Variants in VPS13B observed in about 807,000 individuals in gnomAD.
The protein encoded by VPS13B is vacuolar protein sorting 13 homolog B, also known as intermembrane lipid transfer protein VPS13B.
A neutral mutation model predicts 426.4 loss-of-function variants in VPS13B; 285 were observed. The observed-to-expected ratio is 0.67, with a 90% confidence interval of 0.61 to 0.74. The LOEUF is 0.74. VPS13B is among the 30% of genes least tolerant of loss of function. The probability of loss-of-function intolerance (pLI) is 0.00; values close to 1 mark genes in which losing one functional copy is unlikely to be tolerated. For missense variants in VPS13B, 4,537 were observed against 4,782.6 expected, an observed-to-expected ratio of 0.95 and a Z score of 1.51; for synonymous variants, 1,676 against 1,676.4, an observed-to-expected ratio of 1.00 and a Z score of 0.01.
intron 17 of VPS13B, among the ~76,000 whole-genome samples, chr8:99,237,595 G>A (rs1230335391): frequency 3.3e-5 from 5 of 151,988 alleles, no homozygotes; most frequent in South Asian, 4.1e-4. Context: ...AAAAAATCAC[G>A]AATGTTTTTG....
Position 99,121,281 on chromosome 8 carries a change from T to C in VPS13B, c.1042T>C (p.Trp348Arg). 6.2e-7 allele frequency: 1 copy of C among 1,614,192 alleles called. No homozygotes were observed. The highest frequency in any genetic ancestry group is 8.5e-7 in the Non-Finnish European group (1 of 1,180,038). The change falls in exon 8 of 62, where the codon TGG becomes CGG. Residue 348 changes from tryptophan (W) to arginine (R), a missense_variant. This residue lies in a region of VPS13B where 4,311 missense variants were observed against 4,474.3 expected (regional missense o/e 0.96). Coordinates refer to ENST00000357162, the MANE Select transcript of VPS13B (RefSeq NM_152564.5). ...GGAGCAGCCACAGGGATGGGTGTCA[T>C]GGGCCTGGTCCTTTGTGCCTGCAAT... ...DEEQPQGWVS[W>R]AWSFVPAIVS...
chr8:99,868,293 A>G lies in VPS13B; in HGVS notation c.11220A>G (p.Ala3740=), dbSNP rs757214570. ...LSRLGISLLG[A]IAGIVDQPMQ... Reference sequence around the variant, plus strand: ...TGAGGGCTTTTGTTATTCCAGGTGCAATTGCTGGTATAGTTGATCAGCCGA... The same window carrying G: ...TGAGGGCTTTTGTTATTCCAGGTGCGATTGCTGGTATAGTTGATCAGCCGA... The change falls in exon 59 of 62, where the codon GCA becomes GCG. Residue 3740 remains alanine (A), a synonymous_variant. Transcript: ENST00000357162. The G allele has an allele frequency of 6.2e-7, 1 of 1,614,144 alleles. No individual in the cohort carries two copies. The highest frequency in any genetic ancestry group is 8.5e-7 in the Non-Finnish European group (1 of 1,180,016).
chr8:99,761,856 CAT>C (rs1389507787), intron 39 of VPS13B, among the ~76,000 whole-genome samples: 1 of 151,956 alleles, frequency 6.6e-6, no homozygotes, highest in Non-Finnish European at 1.5e-5. Context: ...GGTACATAAT[CAT>C]ATATATTTAT....
At chr8:99,093,102 T>C (rs1201758615) in intron 3 of VPS13B, among the ~76,000 whole-genome samples, 1 of 152,046 alleles carries the variant, frequency 6.6e-6, no homozygotes, top group Non-Finnish European at 1.5e-5. Flanking sequence ...TCTATACAAA[T>C]AATATTATAA....
At chr8:99,391,795 G>T in intron 21 of VPS13B, 91 bp downstream of exon 21, 1 of 1,476,244 alleles carries the variant, frequency 6.8e-7, no homozygotes, top group East Asian at 2.4e-5. Context: ...GCTGGCCAAA[G>T]ACATGAGACT....
At chr8:99,404,460 T>C (rs1276298986) in intron 21 of VPS13B, among the ~76,000 whole-genome samples, 1 of 152,218 alleles carries the variant, frequency 6.6e-6, no homozygotes, top group African/African-American at 2.4e-5. Context: ...CACGCTGACT[T>C]GCAGAATCCA....
At chr8:99,255,011 A>G (rs1817676422) in intron 17 of VPS13B, among the ~76,000 whole-genome samples, 2 of 152,016 alleles carry the variant, frequency 1.3e-5, no homozygotes, top group African/African-American at 4.8e-5. Context: ...TCTTTTATCT[A>G]ACTTTCTCAT....
chr8:99,290,440 G>T (rs1265703106), intron 19 of VPS13B, among the ~76,000 whole-genome samples: 1 of 152,084 alleles, frequency 6.6e-6, no homozygotes, highest in East Asian at 1.9e-4. Context: ...TCACTCATAG[G>T]TGGGAATTGA....
intron 2 of VPS13B, among the ~76,000 whole-genome samples, chr8:99,026,658 T>C (rs1250432740): frequency 6.6e-6 from 1 of 152,232 alleles, no homozygotes; most frequent in Non-Finnish European, 1.5e-5. Flanking sequence ...ATAGTTGTTA[T>C]AGATGCTTGC....
At chr8:99,162,645 G>A (rs903023954) in intron 15 of VPS13B, among the ~76,000 whole-genome samples, 2 of 152,166 alleles carry the variant, frequency 1.3e-5, no homozygotes, top group Non-Finnish European at 2.9e-5. Flanking sequence ...CGCGTCTGGA[G>A]TTGTTCGTTC....
intron 51 of VPS13B, 142 bp from the exon 52 acceptor site, chr8:99,832,227 A>C (rs950741509): frequency 1.6e-6 from 2 of 1,236,078 alleles, no homozygotes; most frequent in Non-Finnish European, 2.2e-6. Context: ...GTGCCACTGC[A>C]CTCCCGCCTG....
At chr8:99,234,633 T>A (rs1031284876) in intron 17 of VPS13B, among the ~76,000 whole-genome samples, 2 of 152,232 alleles carry the variant, frequency 1.3e-5, no homozygotes, top group African/African-American at 4.8e-5. Flanking sequence ...CATTATTAAC[T>A]TTATGAAAGT....
intron 12 of VPS13B, among the ~76,000 whole-genome samples, chr8:99,142,075 A>T (rs763033400): frequency 6.6e-6 from 1 of 152,018 alleles, no homozygotes; most frequent in Non-Finnish European, 1.5e-5. Context: ...AAATCAATCA[A>T]TCAATTAATC....
Position 99,275,032 on chromosome 8 carries a change from G to A in VPS13B, c.2651-49G>A, listed in dbSNP as rs750505852. 316 of 1,464,980 alleles carry A rather than the reference G, an allele frequency of 2.2e-4. 1 individual carries two copies. In the African/African-American group the frequency reaches 4.2e-3, roughly 20 times the overall value. The allele number at this position is 1,464,980 out of a possible 1,614,324, so 90.7% of individuals were successfully genotyped here. The stretch of plus-strand genomic sequence containing the variant: ...ATATTTTAAAATCAAACATTCTCAA[G>A]TGACTCATGTTTTATTTTTATTATT... On this transcript the variant is annotated intron_variant, in intron 18 of 61. Transcript: ENST00000357162.
At chr8:99,602,139 A>G (rs1380089821) in intron 33 of VPS13B, among the ~76,000 whole-genome samples, 1 of 152,340 alleles carries the variant, frequency 6.6e-6, no homozygotes, top group South Asian at 2.1e-4. Flanking sequence ...TAGTTCTAAA[A>G]TTTAAGTCTT....
chr8:99,044,800 C>T (rs1412437766), intron 3 of VPS13B, among the ~76,000 whole-genome samples: 1 of 151,686 alleles, frequency 6.6e-6, no homozygotes, highest in Non-Finnish European at 1.5e-5. Context: ...CTCCAGGTCA[C>T]TACAAATGCC....
chr8:99,471,715 A>G (rs1819415805), intron 24 of VPS13B, among the ~76,000 whole-genome samples: 1 of 152,290 alleles, frequency 6.6e-6, no homozygotes, highest in Admixed American at 6.5e-5. Context: ...GGAATCTGCA[A>G]ACTAATGCCC....
At chr8:99,861,593 C>T (rs963219979) in intron 57 of VPS13B, among the ~76,000 whole-genome samples, 183 bp from the exon 58 acceptor site, 1 of 152,350 alleles carries the variant, frequency 6.6e-6, no homozygotes, top group East Asian at 1.9e-4. Context: ...TGAGCCACCA[C>T]CCCAGTTGTT....
intron 25 of VPS13B, among the ~76,000 whole-genome samples, chr8:99,498,808 A>G (rs868070368): frequency 1.6e-4 from 25 of 152,034 alleles, no homozygotes; most frequent in African/African-American, 5.8e-4. Flanking sequence ...ACACTTAATC[A>G]TTTTTTCCCA....
Sources: gnomAD v4.1 joint callset for allele counts (sites outside exome capture counted in the v4.1 genomes callset) on GRCh38, gnomAD v4.1.1 for gene constraint, gnomAD v4.1.1 regional missense constraint, MANE v1.5 for transcripts, NCBI Gene and HGNC (gene_info 2026-07-23, HGNC 2026-07-21) for gene names.